Variants in IP6K3 observed in about 807,000 individuals in gnomAD.
IP6K3 encodes inositol hexakisphosphate kinase 3.
Under a neutral mutation model 28.8 loss-of-function variants are expected in IP6K3, and 20 were observed. The observed-to-expected ratio is 0.70, with a 90% CI of 0.49 to 1.01. IP6K3 has a LOEUF of 1.01. Among genes scored for constraint, IP6K3 ranks in the 50% least tolerant of loss-of-function variants. The pLI, the probability that IP6K3 is intolerant of heterozygous loss-of-function variation, is 0.00. For missense variants in IP6K3, 480 were observed against 537.1 expected, an observed-to-expected ratio of 0.89 and a Z score of 1.05; for synonymous variants, 213 against 221.3, an observed-to-expected ratio of 0.96 and a Z score of 0.33.
the IP6K3 span, among the ~76,000 whole-genome samples, chr6:33,756,197 G>T: frequency 6.6e-6 from 1 of 152,178 alleles, no homozygotes; most frequent in Non-Finnish European, 1.5e-5. Flanking sequence ...CAAGTAGAAA[G>T]TAGATGGTAG....
intron 5 of IP6K3, 121 bp from the exon 6 acceptor site, chr6:33,723,308 A>C: frequency 1.6e-6 from 1 of 645,096 alleles, no homozygotes; most frequent in Non-Finnish European, 2.6e-6. Flanking sequence ...GATGTAGGGC[A>C]AGAGTGACTG....
the IP6K3 span, among the ~76,000 whole-genome samples, chr6:33,760,702 A>AT: frequency 6.6e-6 from 1 of 151,778 alleles, no homozygotes; most frequent in African/African-American, 2.4e-5. Context: ...TAATTTTTGT[A>AT]TTTTTAGTAG....
rs1765964636 is a variant in IP6K3, at chr6:33,722,996, G to A, written c.957C>T (p.Tyr319=). The change falls in exon 6 of 6, where the codon TAC becomes TAT. Residue 319 remains tyrosine (Y), a synonymous_variant. Coordinates refer to ENST00000293756, the MANE Select transcript of IP6K3 (RefSeq NM_054111.5). ...LLSVIRSQSS[Y]RFYSSSLLVI... ...CAAGGAGAGAGCTGGAATAGAAGCG[G>A]TATGAACTCTGGCTCCTAATGACAG... 6.2e-7 allele frequency: 1 copy of A among 1,613,968 alleles called. No individual in the cohort carries two copies. The highest frequency in any genetic ancestry group is 1.7e-5 in the Admixed American group (1 of 59,982).
At chr6:33,751,520 T>TGTG (rs1561914794), upstream of IP6K3, among the ~76,000 whole-genome samples, 19,693 of 98,244 alleles carry the variant, frequency 0.2, 1,589 homozygotes, top group East Asian at 0.32. This position sits in a 1 kb window ranked among gnomAD's most constrained non-coding sequence, Gnocchi z 4.3. Flanking sequence ...GTGTGTGTGT[T>TGTG]TGGCCCCGGG....
At position 33,723,168 on chromosome 6, in the gene IP6K3, T is replaced by G; in HGVS notation, c.785A>C (p.Lys262Thr). Residue 262 changes from lysine (K) to threonine (T), a missense_variant, in exon 6 of 6, where the codon AAG becomes ACG. Coordinates refer to ENST00000293756, the MANE Select transcript of IP6K3 (RefSeq NM_054111.5). ...CGMQVYQTDKKYFLCKDKYYG... is the reference protein window; with the variant it reads ...CGMQVYQTDKTYFLCKDKYYG... Reference sequence around the variant, plus strand: ...GTACTTGTCTTTGCAGAGAAAGTACTTCTTATCTGTTTGATAAACCTTACA... The same window carrying G: ...GTACTTGTCTTTGCAGAGAAAGTACGTCTTATCTGTTTGATAAACCTTACA... 4 of 1,576,452 alleles carry G rather than the reference T, an allele frequency of 2.5e-6. No homozygotes were observed. The highest frequency in any genetic ancestry group is 3.4e-6 in the Non-Finnish European group (4 of 1,162,508).
intron 2 of IP6K3, among the ~76,000 whole-genome samples, chr6:33,730,825 A>G (rs1766295201): frequency 6.6e-6 from 1 of 152,168 alleles, no homozygotes; most frequent in South Asian, 2.1e-4. Context: ...CTGTTCCAGA[A>G]GGTCTGGTGT....
Position 33,746,066 on chromosome 6 carries a change from C to T in IP6K3, c.-180+692G>A, listed in dbSNP as rs1766897161. ...GGGGGTTTAAGGCCCCCAAGGCAAG[C>T]TCAGTTCTCAGGTTCACTAGGGTAC... On this transcript the variant is annotated intron_variant, in intron 1 of 5. Coordinates refer to ENST00000293756, the MANE Select transcript of IP6K3 (RefSeq NM_054111.5). This position sits in a 1 kb window ranked among gnomAD's most constrained non-coding sequence, Gnocchi z 6.5. Among the ~76,000 whole-genome samples, 1 of 152,168 alleles carries T rather than the reference C, an allele frequency of 6.6e-6. No homozygotes were observed. Among genetic ancestry groups the T allele is most frequent in the Admixed American group, 6.5e-5 (1 of 15,284 alleles).
chr6:33,725,338 A>T, intron 5 of IP6K3, 103 bp downstream of exon 5: 1 of 1,197,744 alleles, frequency 8.3e-7, no homozygotes, highest in Non-Finnish European at 1.1e-6. Context: ...CTCCAGAGTG[A>T]AGGGCTCTGC....
In IP6K3 at chr6:33,722,905, G is replaced by A; in HGVS notation, c.1048C>T (p.Gln350Ter). 6.2e-7 allele frequency: 1 copy of A among 1,614,056 alleles called. No homozygotes were observed. The highest frequency in any genetic ancestry group is 8.5e-7 in the Non-Finnish European group (1 of 1,180,000). The change falls in exon 6 of 6, where the codon CAG becomes TAG. Residue 350 changes from glutamine to a stop codon, truncating the protein, a stop_gained. Coordinates refer to ENST00000293756, the MANE Select transcript of IP6K3 (RefSeq NM_054111.5). LOFTEE classifies it low-confidence loss of function (END_TRUNC). The stretch of plus-strand genomic sequence containing the variant: ...CCGGGAGAGCTACCGTGGGCTGCCT[G>A]GGGAGCCTCGTGAGGATGCGGGCTG... ...PGSPHPHEAP[Q>*]AAHGSSPGGL...
intron 1 of IP6K3, among the ~76,000 whole-genome samples, chr6:33,738,399 A>G (rs1042341734): frequency 1.3e-5 from 2 of 152,218 alleles, no homozygotes; most frequent in African/African-American, 4.8e-5. Context: ...CCCAGCTCAC[A>G]TTCCCAAAGA....
chr6:33,722,813 A>G lies in IP6K3; in HGVS notation c.1140T>C (p.Asn380=). ...FAHTTYKGYW[N]EHTTYDGPDP... is the part of the protein sequence containing the mutation. ...CTGGTCCATCGTAGGTGGTGTGCTC[A>G]TTCCAGTAGCCCTTGTATGTGGTAT... Residue 380 remains asparagine (N), a synonymous_variant, in exon 6 of 6, where the codon AAT becomes AAC. Transcript: ENST00000293756. 6.2e-7 allele frequency: 1 copy of G among 1,614,212 alleles called. No homozygotes were observed.
chr6:33,740,993 G>A (rs972461121), intron 1 of IP6K3, among the ~76,000 whole-genome samples: 2 of 152,194 alleles, frequency 1.3e-5, no homozygotes, highest in African/African-American at 2.4e-5. Flanking sequence ...TTTTCCCTGT[G>A]AGAATGTGGT....
In IP6K3 at chr6:33,728,211, C is replaced by T. The variant is rs1445902023; in HGVS notation, c.289G>A (p.Val97Ile). 6.2e-7 allele frequency: 1 copy of T among 1,614,150 alleles called. No individual in the cohort carries two copies. Among genetic ancestry groups the T allele is most frequent in the East Asian group, 2.2e-5 (1 of 44,866 alleles). The change falls in exon 3 of 6, where the codon GTC (valine) becomes ATC (isoleucine). Residue 97 changes from valine (V) to isoleucine (I), a missense_variant. By Grantham distance (29) the Val-to-Ile change is conservative. Coordinates refer to ENST00000293756, the MANE Select transcript of IP6K3 (RefSeq NM_054111.5). Reference sequence around the variant, plus strand: ...GCCACCGCCGCCGACTCTGTGGAGACCTTGAAGGGCTCCTGGCTCTCCTTC... The same window carrying T: ...GCCACCGCCGCCGACTCTGTGGAGATCTTGAAGGGCTCCTGGCTCTCCTTC... Reference protein sequence around the residue: ...PVKESQEPFKVSTESAAVAIW... With the variant: ...PVKESQEPFKISTESAAVAIW...
chr6:33,731,216 C>T (rs1398928681), intron 2 of IP6K3, among the ~76,000 whole-genome samples: 3 of 152,142 alleles, frequency 2.0e-5, no homozygotes, highest in Non-Finnish European at 4.4e-5. Context: ...CTGTGCAGGG[C>T]CCTTTTGGGT....
chr6:33,732,826 A>G (rs1407234225), intron 2 of IP6K3, among the ~76,000 whole-genome samples: 1 of 152,164 alleles, frequency 6.6e-6, no homozygotes, highest in Non-Finnish European at 1.5e-5. Flanking sequence ...GCAGCAGCCT[A>G]CACCACCCGA....
At chr6:33,738,849 AC>A (rs1256801160) in intron 1 of IP6K3, among the ~76,000 whole-genome samples, 1 of 151,998 alleles carries the variant, frequency 6.6e-6, no homozygotes, top group African/African-American at 2.4e-5. Context: ...GGCCTGGTCT[AC>A]CCCCTGGCCT....
At chr6:33,740,473 G>A (rs12199132) in intron 1 of IP6K3, among the ~76,000 whole-genome samples, 19,043 of 152,272 alleles carry the variant, frequency 0.13, 1,589 homozygotes, top group Middle Eastern at 0.22. Flanking sequence ...ACCCTGCTCC[G>A]CAGCCCCACA....
intron 2 of IP6K3, among the ~76,000 whole-genome samples, chr6:33,732,727 C>T (rs116835836): frequency 0.018 from 2,704 of 152,252 alleles, 20 homozygotes; most frequent in Non-Finnish European, 0.023. Flanking sequence ...CAGTGTGCTG[C>T]GAGGATTGTG....
rs1388863457 is a variant in IP6K3, at chr6:33,746,039, TG to T, written c.-180+718del. Reference sequence around the variant, plus strand: ...GAATTTCAGGGGAAGGGGCCTGGCATGGGGGGTTTAAGGCCCCCAAGGCAAG... The same window carrying T: ...GAATTTCAGGGGAAGGGGCCTGGCATGGGGGTTTAAGGCCCCCAAGGCAAG... On this transcript the variant is annotated intron_variant, in intron 1 of 5. Transcript: ENST00000293756. This position sits in a 1 kb window ranked among gnomAD's most constrained non-coding sequence, Gnocchi z 6.5. Among the ~76,000 whole-genome samples the T allele has an allele frequency of 6.6e-6, 1 of 152,120 alleles. No homozygotes were observed. Among genetic ancestry groups the T allele is most frequent in the South Asian group, 2.1e-4 (1 of 4,830 alleles).
Sources: gnomAD v4.1 joint callset for allele counts (sites outside exome capture counted in the v4.1 genomes callset) on GRCh38, gnomAD v4.1.1 for gene constraint, Gnocchi (gnomAD v3.1) non-coding constraint, MANE v1.5 for transcripts, NCBI Gene and HGNC (gene_info 2026-07-23, HGNC 2026-07-21) for gene names.